The following SH3RF3 variants were observed in gnomAD, a reference collection of about 807,000 sequenced individuals.
SH3RF3 encodes SH3 domain containing ring finger 3, also known as E3 ubiquitin-protein ligase SH3RF3.
A neutral mutation model predicts 66.3 loss-of-function variants in SH3RF3; 29 were observed. The ratio of observed to expected loss-of-function variants is 0.44; its 90% CI spans 0.33 to 0.60. The LOEUF (loss-of-function observed/expected upper bound fraction) is 0.60. SH3RF3 is among the 20% of genes least tolerant of loss of function. The pLI is 0.04. For missense variants in SH3RF3, 1,194 were observed against 1,190.9 expected (o/e 1.00, Z -0.04); for synonymous variants, 583 against 532.0 (o/e 1.10, Z -1.32).
At chr2:109,414,673 A>T (rs549879944) in intron 4 of SH3RF3, among the ~76,000 whole-genome samples, 25 of 152,146 alleles carry the variant, frequency 1.6e-4, no homozygotes, top group Non-Finnish European at 3.1e-4. Flanking sequence ...CCTGATTGGC[A>T]TTACCAGCAC....
chr2:109,274,388 T>C (rs1680699858), intron 1 of SH3RF3, among the ~76,000 whole-genome samples: 1 of 152,184 alleles, frequency 6.6e-6, no homozygotes. Context: ...AGCCCAAGTG[T>C]CTATCAGTGG....
In SH3RF3 at chr2:109,418,524, C is replaced by T. The variant is rs907583738; in HGVS notation, c.1300-1015C>T. 3.9e-5 allele frequency among the ~76,000 whole-genome samples: 6 copies of T among 152,178 alleles called. No individual in the cohort carries two copies. In the South Asian group the frequency reaches 1.2e-3, roughly 32 times the overall value. ...GCTTGTGGATGCATCACTCCTGTCA[C>T]TGCTCCGTCCTCACATGGGCTTCCT... is the stretch of plus-strand genomic sequence containing the variant. On this transcript the variant is annotated intron_variant, in intron 4 of 9. Coordinates refer to ENST00000309415, the MANE Select transcript of SH3RF3 (RefSeq NM_001099289.3).
At chr2:109,263,946 G>A (rs1680418127) in intron 1 of SH3RF3, among the ~76,000 whole-genome samples, 2 of 152,202 alleles carry the variant, frequency 1.3e-5, no homozygotes, top group South Asian at 2.1e-4. Flanking sequence ...TCCAGCCTGG[G>A]CAACAGAACG....
At chr2:109,488,600 C>T (rs189829662) in intron 8 of SH3RF3, among the ~76,000 whole-genome samples, 2 of 152,196 alleles carry the variant, frequency 1.3e-5, no homozygotes, top group Admixed American at 6.5e-5. Flanking sequence ...CGACCCCTCA[C>T]GGTTTCTTCT....
At chr2:109,143,956 G>A (rs574548258) in intron 1 of SH3RF3, among the ~76,000 whole-genome samples, 1 of 152,276 alleles carries the variant, frequency 6.6e-6, no homozygotes, top group African/African-American at 2.4e-5. Flanking sequence ...GACACAGAAA[G>A]GCAAATACTG....
intron 1 of SH3RF3, among the ~76,000 whole-genome samples, chr2:109,268,216 AGTGGTTTCT>A (rs1381864592): frequency 6.6e-6 from 1 of 151,730 alleles, no homozygotes; most frequent in East Asian, 1.9e-4. Flanking sequence ...TATCTTCCCC[AGTGGTTTCT>A]GTGTGGAATG....
intron 1 of SH3RF3, among the ~76,000 whole-genome samples, chr2:109,236,994 G>A (rs1448666226): frequency 6.6e-6 from 1 of 152,186 alleles, no homozygotes; most frequent in African/African-American, 2.4e-5. Context: ...GACACAGAAA[G>A]ATCAGGGGAA....
At chr2:109,301,373 G>A (rs1161313945) in intron 1 of SH3RF3, among the ~76,000 whole-genome samples, 1 of 151,958 alleles carries the variant, frequency 6.6e-6, no homozygotes, top group African/African-American at 2.4e-5. Context: ...TTTTGTGTGT[G>A]GTGGGGGGAC....
At chr2:109,411,410 T>C (rs945789705) in intron 4 of SH3RF3, among the ~76,000 whole-genome samples, 4 of 152,192 alleles carry the variant, frequency 2.6e-5, no homozygotes, top group African/African-American at 9.7e-5. Flanking sequence ...GGGAGTCACA[T>C]TCTGTACAGC....
intron 1 of SH3RF3, among the ~76,000 whole-genome samples, chr2:109,220,116 A>G (rs1255747993): frequency 6.6e-6 from 1 of 152,238 alleles, no homozygotes; most frequent in African/African-American, 2.4e-5. Context: ...CCAGAAACAA[A>G]CTGTCACATG....
chr2:109,402,548 C>T (rs1046616355), intron 4 of SH3RF3, among the ~76,000 whole-genome samples: 1 of 152,262 alleles, frequency 6.6e-6, no homozygotes, highest in African/African-American at 2.4e-5. Context: ...TCGGTGCCTA[C>T]AGCATGGGGC....
intron 6 of SH3RF3, among the ~76,000 whole-genome samples, chr2:109,435,245 C>A (rs1443138515): frequency 6.6e-6 from 1 of 152,198 alleles, no homozygotes; most frequent in Non-Finnish European, 1.5e-5. Flanking sequence ...TAGCTCAGCA[C>A]AAAACAGGAA....
chr2:109,213,740 G>A (rs543997146), intron 1 of SH3RF3, among the ~76,000 whole-genome samples: 3 of 152,344 alleles, frequency 2.0e-5, no homozygotes, highest in South Asian at 2.1e-4. Context: ...AGTGGGGAAC[G>A]TGGGGATGGT....
intron 1 of SH3RF3, among the ~76,000 whole-genome samples, chr2:109,187,450 C>T (rs539253616): frequency 9.2e-5 from 14 of 152,078 alleles, no homozygotes; most frequent in Admixed American, 4.6e-4. Flanking sequence ...TGCATGAAGA[C>T]GTTGCTGTTG....
intron 7 of SH3RF3, among the ~76,000 whole-genome samples, chr2:109,443,382 G>A (rs1358857122): frequency 6.6e-6 from 1 of 152,150 alleles, no homozygotes; most frequent in Non-Finnish European, 1.5e-5. Flanking sequence ...GTGTGACGCT[G>A]AAACAAAAAT....
In SH3RF3 at chr2:109,342,236, G is replaced by A. The variant is rs538628019; in HGVS notation, c.574-5438G>A. On this transcript the variant is annotated intron_variant, in intron 1 of 9. Coordinates refer to ENST00000309415, the MANE Select transcript of SH3RF3 (RefSeq NM_001099289.3). The stretch of plus-strand genomic sequence containing the variant: ...ATTCCGCCAGGCCCAGCTGCTATTA[G>A]CAATAGGATCTTGGGCAACATGGAC... Among the ~76,000 whole-genome samples, 18 of 152,330 alleles carry A rather than the reference G, an allele frequency of 1.2e-4. No individual in the cohort carries two copies. The East Asian group carries it at 3.5e-3, about 29-fold the overall frequency.
chr2:109,419,552 C>T lies in SH3RF3; in HGVS notation c.1313C>T (p.Ser438Leu), dbSNP rs183621731. The change falls in exon 5 of 10, where the codon TCG becomes TTG. Residue 438 changes from serine to leucine, a missense_variant. Ser to Leu is a moderately radical substitution (Grantham distance 145). Coordinates refer to ENST00000309415, the MANE Select transcript of SH3RF3 (RefSeq NM_001099289.3). ...CAAPTQDVSS[S>L]AGSTPTAVPR... is the part of the protein sequence containing the mutation. Reference sequence around the variant, plus strand: ...GTCTGTTTCCAGGATGTCTCCTCCTCGGCGGGATCTACCCCCACGGCTGTC... The same window carrying T: ...GTCTGTTTCCAGGATGTCTCCTCCTTGGCGGGATCTACCCCCACGGCTGTC... 2,338 of 1,596,472 alleles carry T rather than the reference C, an allele frequency of 1.5e-3. 4 individuals carry two copies. Among genetic ancestry groups the T allele is most frequent in the South Asian group, 2.2e-3 (193 of 87,712 alleles).
At position 109,449,510 on chromosome 2, in the gene SH3RF3, G is replaced by A. The variant is rs764072725; in HGVS notation, c.2148+21G>A. 36 of 1,610,736 alleles carry A rather than the reference G, an allele frequency of 2.2e-5. No individual in the cohort carries two copies. In the African/African-American group the frequency reaches 2.8e-4, roughly 13 times the overall value. On this transcript the variant is annotated intron_variant, in intron 8 of 9. Transcript: ENST00000309415. Reference sequence around the variant, plus strand: ...AAAAGGTAAGAGGCCCATCCTGGACGAGCCCTGGGCTCGAGGCCAGCTGCT... The same window carrying A: ...AAAAGGTAAGAGGCCCATCCTGGACAAGCCCTGGGCTCGAGGCCAGCTGCT...
chr2:109,486,246 T>G (rs1327525031), intron 8 of SH3RF3, among the ~76,000 whole-genome samples: 2 of 152,228 alleles, frequency 1.3e-5, no homozygotes, highest in African/African-American at 4.8e-5. Context: ...CAGAATCATT[T>G]TTTGGTCCTC....
Sources: gnomAD v4.1 joint callset for allele counts (sites outside exome capture counted in the v4.1 genomes callset) on GRCh38, gnomAD v4.1.1 for gene constraint, MANE v1.5 for transcripts, NCBI Gene and HGNC (gene_info 2026-07-23, HGNC 2026-07-21) for gene names.